The following RMDN1 variants were observed in gnomAD, a reference collection of about 807,000 sequenced individuals.
RMDN1 encodes the protein regulator of microtubule dynamics protein 1.
RMDN1 carries 48 observed loss-of-function variants against 48.9 expected under a neutral mutation model. The ratio of observed to expected loss-of-function variants is 0.98; its 90% CI spans 0.78 to 1.25. The LOEUF (loss-of-function observed/expected upper bound fraction) is 1.25, where lower values mean the gene tolerates loss of function less well. Among genes scored for constraint, RMDN1 ranks in the 50% most tolerant of loss-of-function variants. The pLI, the probability that RMDN1 is intolerant of heterozygous loss-of-function variation, is 0.00. For synonymous variants in RMDN1, 148 were observed against 132.6 expected (o/e 1.12, Z -0.80); for missense variants, 418 against 373.4 (o/e 1.12, Z -0.98).
At chr8:86,514,299 G>A (rs893745969) in exon 1 of RMDN1, 8 of 983,986 alleles carry the variant, frequency 8.1e-6, no homozygotes, top group African/African-American at 1.7e-5. Context: ...GCCTCGAAGC[G>A]CCAGCCTACT....
In RMDN1 at chr8:86,486,581, C is replaced by T. The variant is rs201940414; in HGVS notation, c.398G>A (p.Arg133Lys). Reference protein sequence around the residue: ...RASRDVAQLSRTSEEEKKLLV... With the variant: ...RASRDVAQLSKTSEEEKKLLV... ...TAGCTTTTTCTCCTCTTCTGAGGTT[C>T]TGCTAAGCTGAGCTACATCACGTGA... The change falls in exon 4 of 10, where the codon AGA (arginine) becomes AAA (lysine). Residue 133 changes from arginine to lysine, a missense_variant. Coordinates refer to ENST00000406452, the MANE Select transcript of RMDN1 (RefSeq NM_016033.3). The T allele has an allele frequency of 2.5e-5, 40 of 1,613,008 alleles. No homozygotes were observed. In the African/African-American group the frequency reaches 4.3e-4, roughly 17 times the overall value.
upstream of RMDN1, among the ~76,000 whole-genome samples, chr8:86,512,914 A>G (rs1169164851): frequency 1.3e-5 from 2 of 152,128 alleles, no homozygotes; most frequent in Non-Finnish European, 1.5e-5. Flanking sequence ...TTTCTTAAAA[A>G]TAAATAAAAT....
chr8:86,504,015 AGC>A, intron 2 of RMDN1: 1 of 783,754 alleles, frequency 1.3e-6, no homozygotes. Flanking sequence ...GAGAGATCTC[AGC>A]TACTGCCCTG....
chr8:86,486,380 C>T, intron 4 of RMDN1, 104 bp downstream of exon 4: 1 of 796,516 alleles, frequency 1.3e-6, no homozygotes, highest in South Asian at 5.3e-5. Context: ...GAAAAAAAAA[C>T]TTAAAATAGA....
intron 5 of RMDN1, chr8:86,482,397 T>C: frequency 2.4e-6 from 1 of 408,250 alleles, no homozygotes; most frequent in Admixed American, 3.5e-5. Flanking sequence ...GGAGACTCTG[T>C]CTCAAACAAA....
chr8:86,473,189 T>C lies in RMDN1; in HGVS notation c.*1119A>G, dbSNP rs895000475. 4 of 984,578 alleles carry C rather than the reference T, an allele frequency of 4.1e-6. No individual in the cohort carries two copies. The highest frequency in any genetic ancestry group is 4.8e-6 in the Non-Finnish European group (4 of 829,798). The allele number at this position is 984,578 out of a possible 1,614,324, so 61.0% of individuals were successfully genotyped here. A position where few individuals can be genotyped will look rare whatever the true frequency, so the allele number is the denominator to read the frequency against. On this transcript the variant is annotated 3_prime_UTR_variant, in exon 10 of 10. Coordinates refer to ENST00000406452, the MANE Select transcript of RMDN1 (RefSeq NM_016033.3). ...AAAATGTACATGACAAACATATCCA[T>C]ACAGTTCATTGTAACATTACAATTC...
downstream of RMDN1, chr8:86,468,734 T>G (rs370879519): frequency 2.0e-5 from 9 of 456,120 alleles, no homozygotes; most frequent in African/African-American, 1.8e-4. Context: ...CAGCTTTGTT[T>G]TGGAGAATTC....
intron 5 of RMDN1, among the ~76,000 whole-genome samples, chr8:86,480,840 T>C (rs1814272391): frequency 6.6e-6 from 1 of 152,064 alleles, no homozygotes; most frequent in Non-Finnish European, 1.5e-5. Context: ...AAAGTCTTCT[T>C]GTATGCAGAT....
intron 2 of RMDN1, chr8:86,504,764 C>A: frequency 2.9e-6 from 3 of 1,048,704 alleles, no homozygotes; most frequent in Middle Eastern, 2.0e-4. Context: ...TCAGCCAGGG[C>A]CCCCGCCCAG....
intron 4 of RMDN1, among the ~76,000 whole-genome samples, chr8:86,485,322 G>C (rs749973958): frequency 6.6e-6 from 1 of 152,150 alleles, no homozygotes; most frequent in Non-Finnish European, 1.5e-5. Flanking sequence ...CTACTTGGGA[G>C]GCTGAGGCAG....
chr8:86,486,443 A>C, intron 4 of RMDN1, 41 bp downstream of exon 4: 1 of 1,335,396 alleles, frequency 7.5e-7, no homozygotes, highest in Non-Finnish European at 9.9e-7. Context: ...TAGAAAATGT[A>C]CCTCTCAGTA....
chr8:86,478,842 A>G, intron 7 of RMDN1, 81 bp downstream of exon 7: 1 of 1,077,244 alleles, frequency 9.3e-7, no homozygotes, highest in African/African-American at 1.6e-5. Flanking sequence ...ACTGAATCAG[A>G]GCTCCACATG....
chr8:86,497,823 C>T (rs1464762082), intron 2 of RMDN1, among the ~76,000 whole-genome samples: 3 of 151,890 alleles, frequency 2.0e-5, no homozygotes, highest in Non-Finnish European at 2.9e-5. Context: ...AGGCCAGGTG[C>T]GGTGGCTCAT....
At chr8:86,480,191 CTTTT>C in intron 6 of RMDN1, 82 bp downstream of exon 6, 1 of 654,514 alleles carries the variant, frequency 1.5e-6, no homozygotes, top group Admixed American at 3.4e-5. Context: ...TATTTAATAT[CTTTT>C]ATATATGCAA....
In RMDN1 at chr8:86,474,217, CGTA is replaced by C; in HGVS notation, c.*88_*90del. On this transcript the variant is annotated 3_prime_UTR_variant, in exon 10 of 10. Coordinates refer to ENST00000406452, the MANE Select transcript of RMDN1 (RefSeq NM_016033.3). Reference sequence around the variant, plus strand: ...TAAATGGTCACAACATTTAAAAAGCCGTAGAACAGTTATAGTTCATATATTAAG... The same window carrying C: ...TAAATGGTCACAACATTTAAAAAGCCGAACAGTTATAGTTCATATATTAAG... 6.4e-7 allele frequency: 1 copy of C among 1,559,154 alleles called. No homozygotes were observed. Among genetic ancestry groups the C allele is most frequent in the Non-Finnish European group, 8.6e-7 (1 of 1,156,358 alleles).
chr8:86,470,283 AG>A (rs1812428694), downstream of RMDN1: 1 of 1,289,274 alleles, frequency 7.8e-7, no homozygotes, highest in Non-Finnish European at 1.0e-6. Flanking sequence ...AATCCACACA[AG>A]AACAATCAGG....
chr8:86,478,810 T>C, intron 7 of RMDN1, 113 bp downstream of exon 7: 1 of 809,212 alleles, frequency 1.2e-6, no homozygotes, highest in South Asian at 1.4e-5. Context: ...AATTGGATCA[T>C]TAGAAATTGC....
intron 2 of RMDN1, among the ~76,000 whole-genome samples, chr8:86,494,567 G>C (rs1261826048): frequency 6.6e-6 from 1 of 151,218 alleles, no homozygotes; most frequent in Non-Finnish European, 1.5e-5. Flanking sequence ...AAAAACAAAA[G>C]CTTCTTGAAG....
intron 2 of RMDN1, among the ~76,000 whole-genome samples, chr8:86,491,804 T>C (rs542349549): frequency 3.3e-5 from 5 of 152,290 alleles, no homozygotes; most frequent in South Asian, 2.1e-4. Flanking sequence ...TTAGTAAACT[T>C]TGATTTTTTA....
Sources: allele counts gnomAD v4.1 joint callset (sites outside exome capture counted in the v4.1 genomes callset), GRCh38; gene constraint gnomAD v4.1.1; transcripts MANE v1.5; gene names NCBI Gene and HGNC (gene_info 2026-07-23, HGNC 2026-07-21).